FRMD3: variants seen among roughly 807,000 people sequenced by gnomAD.
FRMD3 encodes FERM domain-containing protein 3.
FRMD3 carries 33 observed loss-of-function variants against 70.2 expected under a neutral mutation model. That is an observed-to-expected ratio of 0.47 (90% CI 0.36 to 0.63). The LOEUF (loss-of-function observed/expected upper bound fraction) is 0.63. Among genes scored for constraint, FRMD3 ranks in the 20% least tolerant of loss-of-function variants. FRMD3 has a pLI of 0.00. For missense variants in FRMD3, 632 were observed against 711.4 expected (o/e 0.89, Z 1.27); for synonymous variants, 279 against 255.9 (o/e 1.09, Z -0.86).
chr9:83,261,787 G>T (rs1227686200), intron 13 of FRMD3, among the ~76,000 whole-genome samples: 1 of 152,124 alleles, frequency 6.6e-6, no homozygotes, highest in East Asian at 1.9e-4. Context: ...TACCATCAAG[G>T]TTAAAAATCC....
intron 2 of FRMD3, among the ~76,000 whole-genome samples, chr9:83,373,839 G>A (rs78975527): frequency 0.014 from 2,102 of 152,240 alleles, 42 homozygotes; most frequent in African/African-American, 0.048. Flanking sequence ...GCTTGATGCC[G>A]GAGAGGAAAT....
intron 13 of FRMD3, among the ~76,000 whole-genome samples, chr9:83,262,541 AT>A (rs1482335636): frequency 1.3e-5 from 2 of 152,180 alleles, no homozygotes; most frequent in Non-Finnish European, 2.9e-5. Context: ...ATGCCTAATT[AT>A]TTATATCAGT....
chr9:83,251,101 G>A (rs542741247), intron 13 of FRMD3, among the ~76,000 whole-genome samples: 3 of 152,308 alleles, frequency 2.0e-5, no homozygotes, highest in South Asian at 4.1e-4. Context: ...CCTCCTACAG[G>A]TGCATGCAGG....
chr9:83,446,006 T>A (rs1236761844), intron 1 of FRMD3, among the ~76,000 whole-genome samples: 1 of 152,210 alleles, frequency 6.6e-6, no homozygotes, highest in African/African-American at 2.4e-5. Flanking sequence ...TTTCTGTTAT[T>A]CTCCTTACTC....
chr9:83,441,786 G>A (rs949048024), intron 1 of FRMD3, among the ~76,000 whole-genome samples: 10 of 152,118 alleles, frequency 6.6e-5, no homozygotes, highest in Admixed American at 3.3e-4. Context: ...ACCAGCTTTA[G>A]ATGCCATGAC....
chr9:83,487,823 G>C (rs1448418939), intron 1 of FRMD3, among the ~76,000 whole-genome samples: 1 of 152,098 alleles, frequency 6.6e-6, no homozygotes, highest in Non-Finnish European at 1.5e-5. Context: ...GAATAGGCTT[G>C]GGATTTTGGT....
intron 1 of FRMD3, among the ~76,000 whole-genome samples, chr9:83,415,281 G>A (rs576774781): frequency 6.6e-6 from 1 of 152,256 alleles, no homozygotes; most frequent in South Asian, 2.1e-4. Flanking sequence ...TCAGCCATCT[G>A]GGGCAGAGAA....
At chr9:83,313,981 G>A (rs776673293) in intron 6 of FRMD3, among the ~76,000 whole-genome samples, 2 of 152,138 alleles carry the variant, frequency 1.3e-5, no homozygotes, top group African/African-American at 4.8e-5. Flanking sequence ...CACTCTGAGC[G>A]CTCCAGTGAT....
intron 1 of FRMD3, among the ~76,000 whole-genome samples, chr9:83,493,560 C>CG (rs1218362413): frequency 6.6e-6 from 1 of 152,086 alleles, no homozygotes; most frequent in African/African-American, 2.4e-5. Flanking sequence ...TGGGAAGCTC[C>CG]GAGTTAAAAA....
rs763029264 is a variant in FRMD3 at position 83,248,358 on chromosome 9, T to C, written c.1354A>G (p.Ser452Gly). The stretch of plus-strand genomic sequence containing the variant: ...TCATCCACAGGGGTGGGGAGCAGGC[T>C]GGCACTTGGGTTGTACACTAGTTCA... The part of the protein sequence containing the change: ...ISELVYNPSA[S>G]LLPTPVDDDE... The change falls in exon 14 of 14, where the codon AGC becomes GGC. Residue 452 changes from serine (S) to glycine (G), a missense_variant. Ser to Gly is a moderately conservative substitution (Grantham distance 56, BLOSUM62 0). This residue lies in a region of FRMD3 where 418 missense variants were observed against 442.1 expected (regional missense o/e 0.95). Transcript: ENST00000304195. 1 of 1,614,164 alleles carries C rather than the reference T, an allele frequency of 6.2e-7. No homozygotes were observed. Among genetic ancestry groups the C allele is most frequent in the East Asian group, 2.2e-5 (1 of 44,880 alleles).
At chr9:83,340,496 C>T (rs1399407133) in intron 5 of FRMD3, among the ~76,000 whole-genome samples, 1 of 152,104 alleles carries the variant, frequency 6.6e-6, no homozygotes, top group African/African-American at 2.4e-5. Flanking sequence ...GAAGTGACTT[C>T]GGGACTGAGT....
chr9:83,299,262 T>A (rs539839406), intron 10 of FRMD3, 76 bp from the exon 11 acceptor site: 10 of 864,412 alleles, frequency 1.2e-5, no homozygotes, highest in Non-Finnish European at 1.7e-5. Flanking sequence ...GGTGTGGTGA[T>A]GGGGTATTTT....
At chr9:83,459,735 C>T (rs1248680711) in intron 1 of FRMD3, among the ~76,000 whole-genome samples, 1 of 152,256 alleles carries the variant, frequency 6.6e-6, no homozygotes, top group Non-Finnish European at 1.5e-5. Flanking sequence ...CTCAACCATG[C>T]ATCCGTCTTA....
chr9:83,391,263 G>GT (rs1430138747), intron 1 of FRMD3, among the ~76,000 whole-genome samples: 2 of 152,194 alleles, frequency 1.3e-5, no homozygotes, highest in African/African-American at 4.8e-5. Flanking sequence ...GTCTGTAATT[G>GT]TTTTTTAATC....
intron 1 of FRMD3, among the ~76,000 whole-genome samples, chr9:83,420,296 CAAA>C (rs1306065726): frequency 1.3e-5 from 2 of 152,082 alleles, no homozygotes; most frequent in East Asian, 3.9e-4. Context: ...GGCTGAACAG[CAAA>C]AAGGGGACCA....
At chr9:83,528,283 G>A (rs1413098707) in intron 1 of FRMD3, among the ~76,000 whole-genome samples, 1 of 137,624 alleles carries the variant, frequency 7.3e-6, no homozygotes, top group African/African-American at 2.8e-5. Context: ...TTAATATTTT[G>A]AATATAAACG....
chr9:83,363,801 A>G (rs7869978), intron 3 of FRMD3, among the ~76,000 whole-genome samples: 68,600 of 151,896 alleles, frequency 0.45, 16,134 homozygotes, highest in Non-Finnish European at 0.5. Context: ...TGATCCGCCC[A>G]CCTTGGCCTC....
At chr9:83,568,303 T>C in the FRMD3 span, among the ~76,000 whole-genome samples, 3 of 152,166 alleles carry the variant, frequency 2.0e-5, no homozygotes, top group Non-Finnish European at 2.9e-5. Flanking sequence ...GGAGATACAA[T>C]TCAAGTAGAG....
intron 2 of FRMD3, among the ~76,000 whole-genome samples, chr9:83,389,321 T>C (rs1825599201): frequency 2.0e-5 from 3 of 152,078 alleles, no homozygotes; most frequent in Admixed American, 6.6e-5. Context: ...GTAGCCATTG[T>C]TTGAGGGACT....
Sources: allele counts gnomAD v4.1 joint callset (sites outside exome capture counted in the v4.1 genomes callset), GRCh38; gene constraint gnomAD v4.1.1; regional missense constraint gnomAD v4.1.1; transcripts MANE v1.5; gene names NCBI Gene and HGNC (gene_info 2026-07-23, HGNC 2026-07-21).